The following HS3ST3A1 variants were observed in gnomAD, a reference collection of about 807,000 sequenced individuals.
The protein encoded by HS3ST3A1 is heparan sulfate-glucosamine 3-sulfotransferase 3A1.
In HS3ST3A1, 19 loss-of-function variants were observed where a neutral mutation model predicts 25.7. The ratio of observed to expected loss-of-function variants is 0.74; its 90% confidence interval spans 0.52 to 1.08. The LOEUF (loss-of-function observed/expected upper bound fraction) is 1.08, where lower values mean the gene tolerates loss of function less well. Ranked by LOEUF, HS3ST3A1 falls within the 50% of genes least tolerant of loss-of-function variation. The pLI, the probability that HS3ST3A1 is intolerant of heterozygous loss-of-function variation, is 0.00. For missense variants in HS3ST3A1, 459 were observed against 594.3 expected (o/e 0.77, Z 2.37); for synonymous variants, 226 against 278.6 (o/e 0.81, Z 1.88).
chr17:13,541,461 G>A (rs1906930609), intron 1 of HS3ST3A1, among the ~76,000 whole-genome samples: 1 of 151,966 alleles, frequency 6.6e-6, no homozygotes, highest in South Asian at 2.1e-4. Flanking sequence ...CTCGCTCTTG[G>A]TACACACATT....
At chr17:13,580,682 C>T (rs1476313252) in intron 1 of HS3ST3A1, among the ~76,000 whole-genome samples, 2 of 151,954 alleles carry the variant, frequency 1.3e-5, no homozygotes, top group Non-Finnish European at 2.9e-5. Flanking sequence ...CACCTGAGGT[C>T]GGAGTTCGAG....
chr17:13,560,301 A>AAAAAAAAAAAAAAAAT (rs1168535796), intron 1 of HS3ST3A1, among the ~76,000 whole-genome samples: 1 of 139,176 alleles, frequency 7.2e-6, no homozygotes, highest in Non-Finnish European at 1.6e-5. Flanking sequence ...AAAAAAAAAA[A>AAAAAAAAAAAAAAAAT]AAAAAAAAAA....
At chr17:13,590,850 C>T (rs978913483) in intron 1 of HS3ST3A1, among the ~76,000 whole-genome samples, 14 of 152,042 alleles carry the variant, frequency 9.2e-5, no homozygotes, top group African/African-American at 3.1e-4. Flanking sequence ...AAATATGGAA[C>T]AGTGAAAAAG....
intron 1 of HS3ST3A1, among the ~76,000 whole-genome samples, chr17:13,581,987 G>A (rs531962672): frequency 1.3e-5 from 2 of 152,134 alleles, no homozygotes; most frequent in African/African-American, 4.8e-5. Context: ...AATGTCACCT[G>A]AGAACGGTGT....
chr17:13,555,527 T>A (rs988579439), intron 1 of HS3ST3A1, among the ~76,000 whole-genome samples: 1 of 152,128 alleles, frequency 6.6e-6, no homozygotes, highest in African/African-American at 2.4e-5. Context: ...GAGGGCCCCT[T>A]AGAGTGGAAG....
chr17:13,545,059 T>C (rs1907045988), intron 1 of HS3ST3A1, among the ~76,000 whole-genome samples: 2 of 152,134 alleles, frequency 1.3e-5, no homozygotes, highest in Non-Finnish European at 1.5e-5. Flanking sequence ...TGTTAATGAT[T>C]GAAATAATCA....
chr17:13,572,085 C>G (rs1213021113), intron 1 of HS3ST3A1, among the ~76,000 whole-genome samples: 1 of 152,154 alleles, frequency 6.6e-6, no homozygotes, highest in Non-Finnish European at 1.5e-5. Flanking sequence ...AACACAGAGA[C>G]TCCACAGGAA....
rs1226526799 is a variant in HS3ST3A1, at chr17:13,600,808, C to G, written c.322G>C (p.Gly108Arg). 7.8e-6 allele frequency: 11 copies of G among 1,417,720 alleles called. 1 individual carries two copies. The South Asian group carries it at 9.2e-5, about 12-fold the overall frequency. The allele number at this position is 1,417,720 out of a possible 1,614,324, so 87.8% of individuals were successfully genotyped here. A position where few individuals can be genotyped will look rare whatever the true frequency, so the allele number is the denominator to read the frequency against. Residue 108 changes from glycine (G) to arginine (R), a missense_variant, in exon 1 of 2, where the codon GGC (glycine) becomes CGC (arginine). By Grantham distance (125) the Gly-to-Arg change is moderately radical. This residue lies in a region of HS3ST3A1 where 346 missense variants were observed against 303.9 expected (regional missense o/e 1.14). Transcript: ENST00000284110. ...RRRPPAPRDD[G>R]EEAAWEEESP... ...TCTTCTTCCCAGGCCGCCTCCTCGC[C>G]GTCGTCGCGGGGCGCGGGCGGCCGG...
At chr17:13,508,293 G>A (rs1186057977) in intron 1 of HS3ST3A1, among the ~76,000 whole-genome samples, 2 of 152,206 alleles carry the variant, frequency 1.3e-5, no homozygotes, top group Non-Finnish European at 2.9e-5. Flanking sequence ...AAACAGCACA[G>A]GGTTCCCTGG....
At chr17:13,515,710 A>C (rs1407835390) in intron 1 of HS3ST3A1, among the ~76,000 whole-genome samples, 1 of 152,172 alleles carries the variant, frequency 6.6e-6, no homozygotes, top group Non-Finnish European at 1.5e-5. Context: ...CTTTATAAGT[A>C]ACTGCCAAAC....
intron 1 of HS3ST3A1, among the ~76,000 whole-genome samples, chr17:13,534,602 C>A (rs1405853297): frequency 1.4e-5 from 2 of 145,930 alleles, no homozygotes; most frequent in Non-Finnish European, 3.0e-5. Context: ...GTGGCATGCA[C>A]CTGTAGTTCC....
At chr17:13,515,471 G>GTTTTTT (rs33924561) in intron 1 of HS3ST3A1, among the ~76,000 whole-genome samples, 49 of 107,728 alleles carry the variant, frequency 4.5e-4, no homozygotes, top group African/African-American at 1.0e-3. Flanking sequence ...GTTTGTTTCA[G>GTTTTTT]TTTTTTTTTT....
rs554909149 is a variant in HS3ST3A1 at position 13,547,538 on chromosome 17, G to A, written c.600-50720C>T. On this transcript the variant is annotated intron_variant, in intron 1 of 1. Transcript: ENST00000284110. ...AACAACCAGGGTTCAGAAAGCTTAC[G>A]GAGGTGCTGGGAGGCTGTGCACCCA... 3.7e-4 allele frequency among the ~76,000 whole-genome samples: 56 copies of A among 152,296 alleles called. 1 individual carries two copies. Among genetic ancestry groups the A allele is most frequent in the Admixed American group, 2.9e-3 (44 of 15,300 alleles).
intron 1 of HS3ST3A1, among the ~76,000 whole-genome samples, chr17:13,552,630 T>C (rs1402910069): frequency 6.6e-6 from 1 of 152,174 alleles, no homozygotes; most frequent in Non-Finnish European, 1.5e-5. Context: ...CAGAAATACG[T>C]CTTTCTCCAG....
At chr17:13,594,433 G>A (rs535506850) in intron 1 of HS3ST3A1, among the ~76,000 whole-genome samples, 24 of 152,248 alleles carry the variant, frequency 1.6e-4, no homozygotes, top group African/African-American at 5.3e-4. Context: ...ATTCTCAACA[G>A]GGCATCTCAG....
chr17:13,585,804 C>T (rs1397272752), intron 1 of HS3ST3A1, among the ~76,000 whole-genome samples: 1 of 147,486 alleles, frequency 6.8e-6, no homozygotes, highest in Non-Finnish European at 1.5e-5. Flanking sequence ...AACAAAATTG[C>T]TCGTTCCCCT....
At chr17:13,581,781 C>T (rs752498455) in intron 1 of HS3ST3A1, among the ~76,000 whole-genome samples, 64 of 152,262 alleles carry the variant, frequency 4.2e-4, no homozygotes, top group Non-Finnish European at 6.8e-4. Context: ...AAGTATTGGG[C>T]TAAATGACCC....
intron 1 of HS3ST3A1, among the ~76,000 whole-genome samples, chr17:13,591,785 A>G (rs1274642617): frequency 6.6e-6 from 1 of 151,348 alleles, no homozygotes; most frequent in African/African-American, 2.4e-5. Context: ...CAGCTTCCCG[A>G]GTAGCTGGGA....
intron 1 of HS3ST3A1, among the ~76,000 whole-genome samples, chr17:13,541,744 G>T (rs1906938697): frequency 6.6e-6 from 1 of 152,174 alleles, no homozygotes; most frequent in African/African-American, 2.4e-5. Context: ...GTCATCTGTT[G>T]GCAGTTTCCA....
Sources: allele counts gnomAD v4.1 joint callset (sites outside exome capture counted in the v4.1 genomes callset), GRCh38; gene constraint gnomAD v4.1.1; regional missense constraint gnomAD v4.1.1; transcripts MANE v1.5; gene names NCBI Gene and HGNC (gene_info 2026-07-23, HGNC 2026-07-21).